The following SYT13 variants were observed in gnomAD, a reference collection of about 807,000 sequenced individuals.
SYT13 encodes synaptotagmin 13.
In SYT13, 21 loss-of-function variants were observed where a neutral mutation model predicts 38.6. The ratio of observed to expected loss-of-function variants is 0.54; its 90% confidence interval spans 0.39 to 0.78. The LOEUF (loss-of-function observed/expected upper bound fraction) is 0.78, where lower values mean the gene tolerates loss of function less well. Among genes scored for constraint, SYT13 ranks in the 30% least tolerant of loss-of-function variants. The pLI is 0.00. For synonymous variants in SYT13, 241 were observed against 237.6 expected (o/e 1.01, Z -0.13); for missense variants, 495 against 548.7 (o/e 0.90, Z 0.98).
chr11:45,254,630 A>C, intron 2 of SYT13: 1 of 469,468 alleles, frequency 2.1e-6, no homozygotes, highest in Admixed American at 4.0e-5. Context: ...AAAACAAAAC[A>C]GAGACTACAC....
At chr11:45,264,712 G>T (rs1854860964) in intron 1 of SYT13, among the ~76,000 whole-genome samples, 1 of 152,146 alleles carries the variant, frequency 6.6e-6, no homozygotes, top group Non-Finnish European at 1.5e-5. Context: ...ATTGTGTTTT[G>T]GGGTAGTTTG....
rs115016719 is a variant in SYT13 at position 45,248,638 on chromosome 11, C to A, written c.847-2126G>T. Among the ~76,000 whole-genome samples, 885 of 152,342 alleles carry A rather than the reference C, an allele frequency of 5.8e-3. 7 individuals carry two copies. The highest frequency in any genetic ancestry group is 0.02 in the African/African-American group (826 of 41,578). ...CTGAGGCCCAGGGACTTGTACCAGG[C>A]ACCCAGAGAGGTGACTGCAGAGTTG... On this transcript the variant is annotated intron_variant, in intron 4 of 5. Transcript: ENST00000020926.
intron 1 of SYT13, among the ~76,000 whole-genome samples, chr11:45,282,037 A>G (rs1237967307): frequency 6.6e-6 from 1 of 152,200 alleles, no homozygotes; most frequent in Non-Finnish European, 1.5e-5. Flanking sequence ...GCCTGTGCAG[A>G]CAAGGGTGAT....
rs1391564153 is a variant in SYT13, at chr11:45,241,500, C to A, written c.*2552G>T. The A allele has an allele frequency of 1.2e-5, 1 of 80,640 alleles. No homozygotes were observed. Among genetic ancestry groups the A allele is most frequent in the East Asian group, 2.3e-4 (1 of 4,426 alleles). The allele number at this position is 80,640 out of a possible 1,614,324, so 5.0% of individuals were successfully genotyped here. ...TCTGGAAGACTAAAACTTTGAGATC[C>A]CTCCCCCGCCCCGCCCCCCCAAAAA... On this transcript the variant is annotated 3_prime_UTR_variant, in exon 6 of 6. Transcript: ENST00000020926.
Position 45,286,165 on chromosome 11 carries a change from C to T in SYT13, c.43G>A (p.Gly15Ser). The T allele has an allele frequency of 6.3e-7, 1 of 1,585,222 alleles. No individual in the cohort carries two copies. The highest frequency in any genetic ancestry group is 8.6e-7 in the Non-Finnish European group (1 of 1,169,218). ...VPVIALGATL[G>S]TATSILALCG... ...AACGCGAGGATGCTGGTGGCTGTGC[C>T]CAGCGTGGCGCCCAGCGCGATCACA... Residue 15 changes from glycine to serine, a missense_variant, in exon 1 of 6, where the codon GGC becomes AGC. Gly to Ser is a moderately conservative substitution (Grantham distance 56). Transcript: ENST00000020926.
chr11:45,285,550 G>C (rs1174802638), intron 1 of SYT13, among the ~76,000 whole-genome samples: 1 of 152,014 alleles, frequency 6.6e-6, no homozygotes, highest in Non-Finnish European at 1.5e-5. Context: ...GCTCTGGCAG[G>C]ACTTGCCCTA....
intron 1 of SYT13, among the ~76,000 whole-genome samples, chr11:45,262,747 A>C (rs1408030455): frequency 7.6e-6 from 1 of 131,820 alleles, no homozygotes; most frequent in Non-Finnish European, 1.7e-5. Flanking sequence ...ACACACACAC[A>C]CACACACACA....
chr11:45,282,326 A>G (rs1044665427), intron 1 of SYT13, among the ~76,000 whole-genome samples: 1 of 152,196 alleles, frequency 6.6e-6, no homozygotes, highest in East Asian at 1.9e-4. Flanking sequence ...CTGTCTAAGA[A>G]GGCAGGATAA....
chr11:45,263,099 C>T (rs1854839150), intron 1 of SYT13, among the ~76,000 whole-genome samples: 1 of 152,150 alleles, frequency 6.6e-6, no homozygotes, highest in South Asian at 2.1e-4. Context: ...TGAAGGGTAG[C>T]ACAGACGCCT....
intron 2 of SYT13, among the ~76,000 whole-genome samples, chr11:45,255,408 C>G (rs2135892708): frequency 6.6e-6 from 1 of 152,310 alleles, no homozygotes; most frequent in South Asian, 2.1e-4. Context: ...TTTATCCTCT[C>G]TCATAGTTGC....
intron 1 of SYT13, among the ~76,000 whole-genome samples, chr11:45,267,677 C>T (rs1189118315): frequency 6.6e-6 from 1 of 152,120 alleles, no homozygotes; most frequent in African/African-American, 2.4e-5. Context: ...GCCTCCATCT[C>T]CTAGGAAGCT....
chr11:45,272,868 A>T (rs1337759602), intron 1 of SYT13, among the ~76,000 whole-genome samples: 4 of 152,332 alleles, frequency 2.6e-5, no homozygotes, highest in Middle Eastern at 3.4e-3. Flanking sequence ...TCAAATGGGA[A>T]AACGAAAGTG....
chr11:45,249,296 T>C (rs1854647288), intron 4 of SYT13, among the ~76,000 whole-genome samples: 2 of 152,252 alleles, frequency 1.3e-5, no homozygotes, highest in Admixed American at 6.5e-5. Context: ...TTTTACACTG[T>C]TGGTGGGACT....
In SYT13 at chr11:45,240,985, T is replaced by A. The variant is rs1854543859; in HGVS notation, c.*3067A>T. 1 of 152,246 alleles carries A rather than the reference T, an allele frequency of 6.6e-6. No individual in the cohort carries two copies. Among genetic ancestry groups the A allele is most frequent in the Non-Finnish European group, 1.5e-5 (1 of 68,042 alleles). The allele number at this position is 152,246 out of a possible 1,614,324, so 9.4% of individuals were successfully genotyped here. On this transcript the variant is annotated 3_prime_UTR_variant, in exon 6 of 6. Transcript: ENST00000020926. ...AGCTGATGCAAAGACTACTGAAATA[T>A]TTTTATTTGGCAGTTTGACATCTCT...
At chr11:45,248,925 T>G (rs933717276) in intron 4 of SYT13, among the ~76,000 whole-genome samples, 1 of 152,236 alleles carries the variant, frequency 6.6e-6, no homozygotes, top group Non-Finnish European at 1.5e-5. Flanking sequence ...ACTAAAGTAA[T>G]CCTTTCTTTC....
chr11:45,243,918 T>A lies in SYT13; in HGVS notation c.*134A>T, dbSNP rs533758751. ...TTATTTCTAAGAAACAAGAGTATGA[T>A]GAGAGAGCCATCCCAGCCTTGCAAA... On this transcript the variant is annotated 3_prime_UTR_variant, in exon 6 of 6. Transcript: ENST00000020926. 1.1e-6 allele frequency: 1 copy of A among 916,468 alleles called. No individual in the cohort carries two copies. Among genetic ancestry groups the A allele is most frequent in the South Asian group, 1.6e-5 (1 of 61,536 alleles). The allele number at this position is 916,468 out of a possible 1,614,324, so 56.8% of individuals were successfully genotyped here.
At position 45,246,049 on chromosome 11, in the gene SYT13, A is replaced by G. The variant is rs1854610359; in HGVS notation, c.976+334T>C. 1.3e-5 allele frequency among the ~76,000 whole-genome samples: 2 copies of G among 152,188 alleles called. 1 individual carries two copies. The highest frequency in any genetic ancestry group is 4.1e-4 in the South Asian group (2 of 4,830). On this transcript the variant is annotated intron_variant, in intron 5 of 5. Coordinates refer to ENST00000020926, the MANE Select transcript of SYT13 (RefSeq NM_020826.3). The stretch of plus-strand genomic sequence containing the variant: ...AGCCCAGGCCCTTCACTCCACGGCT[A>G]TAGTCTGACCCTTGGCTTCTTGTGC...
At chr11:45,280,575 A>T (rs1266542732) in intron 1 of SYT13, among the ~76,000 whole-genome samples, 2 of 152,182 alleles carry the variant, frequency 1.3e-5, no homozygotes, top group Non-Finnish European at 1.5e-5. Context: ...CAAAGTAAAC[A>T]CACCTCTGTA....
intron 1 of SYT13, among the ~76,000 whole-genome samples, chr11:45,284,939 G>A (rs1855116328): frequency 6.6e-6 from 1 of 152,202 alleles, no homozygotes; most frequent in Admixed American, 6.5e-5. Flanking sequence ...ACTGTACAGT[G>A]ACTGACACAG....
Sources: allele counts gnomAD v4.1 joint callset (sites outside exome capture counted in the v4.1 genomes callset), GRCh38; gene constraint gnomAD v4.1.1; transcripts MANE v1.5; gene names NCBI Gene and HGNC (gene_info 2026-07-23, HGNC 2026-07-21).